The following OBI1 variants were observed in gnomAD, a reference collection of about 807,000 sequenced individuals.
The protein encoded by OBI1 is ORC ubiquitin ligase 1, also known as ring finger protein 219.
Under a neutral mutation model 62.4 loss-of-function variants are expected in OBI1, and 59 were observed. The ratio of observed to expected loss-of-function variants is 0.95; its 90% CI spans 0.77 to 1.17. OBI1 has a LOEUF of 1.17. Among genes scored for constraint, OBI1 ranks in the 50% most tolerant of loss-of-function variants. The pLI is 0.00. For synonymous variants in OBI1, 302 were observed against 292.8 expected (o/e 1.03, Z -0.32); for missense variants, 875 against 830.9 (o/e 1.05, Z -0.65).
At chr13:78,637,538 T>C (rs1213091417) in intron 4 of OBI1, among the ~76,000 whole-genome samples, 1 of 152,240 alleles carries the variant, frequency 6.6e-6, no homozygotes, top group Non-Finnish European at 1.5e-5. Context: ...AAACGAAGTT[T>C]AATAACTACA....
At chr13:78,644,029 C>T (rs1254889528) in intron 2 of OBI1, among the ~76,000 whole-genome samples, 1 of 152,054 alleles carries the variant, frequency 6.6e-6, no homozygotes, top group Admixed American at 6.5e-5. Context: ...TTTCAAGGAT[C>T]CTCTAGTTCA....
intron 4 of OBI1, among the ~76,000 whole-genome samples, chr13:78,635,428 G>A (rs549520683): frequency 6.6e-6 from 1 of 152,206 alleles, no homozygotes; most frequent in African/African-American, 2.4e-5. Context: ...CCTGTCCAGG[G>A]AAATAAACAA....
rs1433040250 is a variant in OBI1, at chr13:78,616,077, G to A, written c.1684C>T (p.Leu562=). The part of the protein sequence containing the change: ...KSPCNNGFKS[L]DLDGLSKSSQ... ...GACTTTGATAACCCATCCAAATCCAGTGACTTAAAACCGTTATTACAAGGG... is the reference window on the plus strand; with the variant it reads ...GACTTTGATAACCCATCCAAATCCAATGACTTAAAACCGTTATTACAAGGG... Residue 562 remains leucine, a synonymous_variant, in exon 6 of 6, where the codon CTG becomes TTG. Transcript: ENST00000282003. 1 of 1,614,106 alleles carries A rather than the reference G, an allele frequency of 6.2e-7. No homozygotes were observed. Among genetic ancestry groups the A allele is most frequent in the East Asian group, 2.2e-5 (1 of 44,868 alleles).
Position 78,616,582 on chromosome 13 carries a change from C to G in OBI1, c.1179G>C (p.Leu393Phe). 1 of 1,614,104 alleles carries G rather than the reference C, an allele frequency of 6.2e-7. No individual in the cohort carries two copies. The change falls in exon 6 of 6, where the codon TTG becomes TTC. Residue 393 changes from leucine (L) to phenylalanine (F), a missense_variant. Transcript: ENST00000282003. Reference protein sequence around the residue: ...LYDLPAPCTPLSLSCLQLSTP... With the variant: ...LYDLPAPCTPFSLSCLQLSTP... ...TACTGAGCTGAAGGCAACTAAGGGA[C>G]AAAGGAGTACAAGGAGCTGGAAGAT...
intron 5 of OBI1, among the ~76,000 whole-genome samples, chr13:78,628,297 A>G (rs1372941168): frequency 6.6e-6 from 1 of 152,226 alleles, no homozygotes; most frequent in Non-Finnish European, 1.5e-5. Flanking sequence ...GTGTTCGGTC[A>G]TATGGAGTCT....
chr13:78,619,968 T>C (rs1282963217), intron 5 of OBI1, among the ~76,000 whole-genome samples: 1 of 152,198 alleles, frequency 6.6e-6, no homozygotes, highest in Non-Finnish European at 1.5e-5. Flanking sequence ...TTTACTACAT[T>C]TGACTGTTTA....
chr13:78,648,309 C>A (rs987655910), intron 1 of OBI1, among the ~76,000 whole-genome samples: 31 of 151,314 alleles, frequency 2.0e-4, no homozygotes, highest in African/African-American at 7.3e-4. Flanking sequence ...CACACACACA[C>A]ACAGACACAC....
At chr13:78,628,187 G>A (rs940971370) in intron 5 of OBI1, among the ~76,000 whole-genome samples, 5 of 152,148 alleles carry the variant, frequency 3.3e-5, no homozygotes, top group Non-Finnish European at 7.4e-5. Context: ...TTACAAGATA[G>A]GTAGTACTAT....
chr13:78,650,069 G>A (rs1876502324), intron 1 of OBI1, among the ~76,000 whole-genome samples: 1 of 152,140 alleles, frequency 6.6e-6, no homozygotes, highest in African/African-American at 2.4e-5. Context: ...CCAGGTCTGT[G>A]GTTTCTAATG....
chr13:78,645,434 A>G (rs1876351669), intron 1 of OBI1, among the ~76,000 whole-genome samples: 1 of 152,232 alleles, frequency 6.6e-6, no homozygotes, highest in East Asian at 1.9e-4. Flanking sequence ...TTACAGAATA[A>G]CAGCAACTAT....
intron 1 of OBI1, 66 bp downstream of exon 1, chr13:78,658,983 G>A: frequency 7.0e-7 from 1 of 1,436,130 alleles, no homozygotes; most frequent in Non-Finnish European, 9.7e-7. Flanking sequence ...GCACGAGACG[G>A]CCCTCGGCCC....
Position 78,616,562 on chromosome 13 carries a change from A to C in OBI1, c.1199T>G (p.Leu400Arg). The change falls in exon 6 of 6, where the codon CTC becomes CGC. Residue 400 changes from leucine (L) to arginine (R), a missense_variant. Physicochemically the swap from Leu to Arg is moderately radical, Grantham distance 102. Transcript: ENST00000282003. ...GCTCTCTCTATTTTCTGGAGTACTG[A>C]GCTGAAGGCAACTAAGGGACAAAGG... ...CTPLSLSCLQ[L>R]STPENRESSV... The C allele has an allele frequency of 1.2e-6, 2 of 1,614,156 alleles. No individual in the cohort carries two copies. Among genetic ancestry groups the C allele is most frequent in the Non-Finnish European group, 1.7e-6 (2 of 1,180,032 alleles).
chr13:78,634,130 A>C (rs111836323), intron 5 of OBI1, among the ~76,000 whole-genome samples: 2,717 of 151,988 alleles, frequency 0.018, 45 homozygotes, highest in Middle Eastern at 0.037. Flanking sequence ...ACAAAAAAAA[A>C]CAAACTACTC....
chr13:78,640,248 G>A (rs1876172368), intron 3 of OBI1, among the ~76,000 whole-genome samples: 1 of 151,728 alleles, frequency 6.6e-6, no homozygotes, highest in African/African-American at 2.4e-5. Flanking sequence ...CAGGGGATTG[G>A]TTCTAGGACC....
intron 5 of OBI1, among the ~76,000 whole-genome samples, chr13:78,622,532 T>C (rs1473649473): frequency 2.0e-5 from 3 of 152,246 alleles, no homozygotes; most frequent in Non-Finnish European, 4.4e-5. Context: ...CCTGTCTACA[T>C]AGCCATAGTA....
At chr13:78,638,250 C>T (rs1467393243) in intron 4 of OBI1, among the ~76,000 whole-genome samples, 2 of 151,984 alleles carry the variant, frequency 1.3e-5, no homozygotes, top group Non-Finnish European at 2.9e-5. Context: ...TGCTGTATCT[C>T]GTTCAAAGAA....
intron 1 of OBI1, among the ~76,000 whole-genome samples, chr13:78,649,541 G>T (rs1283855299): frequency 6.6e-6 from 1 of 152,220 alleles, no homozygotes; most frequent in African/African-American, 2.4e-5. Context: ...GACAATGAAA[G>T]ATGAAGAAGT....
At chr13:78,643,800 AT>A (rs1876295698) in intron 2 of OBI1, among the ~76,000 whole-genome samples, 2 of 152,090 alleles carry the variant, frequency 1.3e-5, no homozygotes. Context: ...AAAAAAAAAA[AT>A]CTTATTTAAG....
intron 1 of OBI1, among the ~76,000 whole-genome samples, chr13:78,649,926 T>C (rs1037197568): frequency 1.3e-5 from 2 of 152,198 alleles, no homozygotes; most frequent in African/African-American, 4.8e-5. Context: ...GGTGAAGTTA[T>C]CAGCTGAAAA....
Sources: allele counts gnomAD v4.1 joint callset (sites outside exome capture counted in the v4.1 genomes callset), GRCh38; gene constraint gnomAD v4.1.1; transcripts MANE v1.5; gene names NCBI Gene and HGNC (gene_info 2026-07-23, HGNC 2026-07-21).